RASEF: variants seen among roughly 807,000 people sequenced by gnomAD.
The protein encoded by RASEF is RAS and EF-hand domain containing.
In RASEF, 68 loss-of-function variants were observed where a neutral mutation model predicts 90.1. The ratio of observed to expected loss-of-function variants is 0.75; its 90% CI spans 0.62 to 0.92. The LOEUF (loss-of-function observed/expected upper bound fraction) is 0.92, where lower values mean the gene tolerates loss of function less well. RASEF is among the 40% of genes least tolerant of loss of function. The pLI is 0.00. For missense variants in RASEF, 949 were observed against 937.2 expected (o/e 1.01, Z -0.16); for synonymous variants, 331 against 345.2 (o/e 0.96, Z 0.46).
the RASEF span, among the ~76,000 whole-genome samples, chr9:83,094,289 A>ATT: frequency 6.6e-6 from 1 of 151,382 alleles, no homozygotes; most frequent in East Asian, 1.9e-4. Flanking sequence ...AAATACCCAC[A>ATT]ACATTGTGAA....
chr9:83,137,516 AAGAG>A, the RASEF span, among the ~76,000 whole-genome samples: 4 of 152,178 alleles, frequency 2.6e-5, no homozygotes, highest in African/African-American at 9.7e-5. Context: ...CTGACAAAGA[AAGAG>A]AAAGAGCTAA....
the RASEF span, among the ~76,000 whole-genome samples, chr9:83,125,765 G>T: frequency 6.6e-6 from 1 of 152,170 alleles, no homozygotes; most frequent in Non-Finnish European, 1.5e-5. Context: ...CACAGATAAG[G>T]TTTGGAAAAG....
chr9:83,152,597 T>A, the RASEF span, among the ~76,000 whole-genome samples: 1 of 151,714 alleles, frequency 6.6e-6, no homozygotes, highest in Non-Finnish European at 1.5e-5. Flanking sequence ...TGTATGGGGG[T>A]TTTCCAGGCT....
intron 1 of RASEF, chr9:83,048,185 A>G: frequency 3.0e-6 from 3 of 985,370 alleles, no homozygotes; most frequent in Non-Finnish European, 3.6e-6. Context: ...GTGTAGTAAG[A>G]GCGGAAGGAG....
the RASEF span, among the ~76,000 whole-genome samples, chr9:83,176,834 C>A: frequency 6.6e-6 from 1 of 151,906 alleles, no homozygotes; most frequent in Non-Finnish European, 1.5e-5. Flanking sequence ...TGGTACAAAC[C>A]CAACATCAAA....
the RASEF span, among the ~76,000 whole-genome samples, chr9:83,213,917 A>C: frequency 1.6e-4 from 24 of 152,176 alleles, no homozygotes; most frequent in African/African-American, 4.8e-4. Flanking sequence ...GTGGTACAGC[A>C]CATTAAAAAT....
the RASEF span, among the ~76,000 whole-genome samples, chr9:83,114,353 G>A: frequency 2.6e-5 from 4 of 152,278 alleles, no homozygotes; most frequent in East Asian, 1.9e-4. Context: ...GAGGATGTAT[G>A]TCACCTCAGG....
chr9:83,136,756 T>A, the RASEF span, among the ~76,000 whole-genome samples: 1 of 152,148 alleles, frequency 6.6e-6, no homozygotes, highest in Non-Finnish European at 1.5e-5. Context: ...ATCTATTATG[T>A]ATGAAATACA....
intron 7 of RASEF, 124 bp from the exon 8 acceptor site, chr9:83,005,624 T>A: frequency 1.4e-6 from 1 of 719,454 alleles, no homozygotes; most frequent in South Asian, 1.6e-5. Context: ...TCTGCAACTT[T>A]CCACCACTTC....
At chr9:83,072,183 G>T in the RASEF span, among the ~76,000 whole-genome samples, 1 of 152,096 alleles carries the variant, frequency 6.6e-6, no homozygotes, top group Admixed American at 6.5e-5. Context: ...AGTATCATTT[G>T]CCTGACCTTC....
At chr9:83,093,679 G>A in the RASEF span, among the ~76,000 whole-genome samples, 4 of 152,184 alleles carry the variant, frequency 2.6e-5, no homozygotes, top group African/African-American at 4.8e-5. Flanking sequence ...GTTCCCGCTC[G>A]CGCCTCTCCC....
chr9:83,048,166 C>CA, intron 1 of RASEF: 2 of 985,428 alleles, frequency 2.0e-6, no homozygotes, highest in Non-Finnish European at 2.4e-6. Flanking sequence ...CCATCAATCA[C>CA]AGCCCACAGT....
At chr9:83,169,226 C>A in the RASEF span, among the ~76,000 whole-genome samples, 1 of 151,866 alleles carries the variant, frequency 6.6e-6, no homozygotes, top group Non-Finnish European at 1.5e-5. Context: ...TGCGTATAAA[C>A]CAAATTTTCT....
chr9:83,158,438 A>T, the RASEF span, among the ~76,000 whole-genome samples: 2 of 151,408 alleles, frequency 1.3e-5, no homozygotes, highest in African/African-American at 4.9e-5. Flanking sequence ...GAAATGTACT[A>T]GAAATTGGTT....
intron 4 of RASEF, among the ~76,000 whole-genome samples, chr9:83,013,357 G>A (rs1014672721): frequency 2.6e-5 from 4 of 152,174 alleles, no homozygotes; most frequent in Non-Finnish European, 5.9e-5. Flanking sequence ...TTTGATTCTG[G>A]ACCTTCTTCA....
rs1384519077 is a variant in RASEF at position 82,981,231 on chromosome 9, C to G, written c.*1446G>C. On this transcript the variant is annotated 3_prime_UTR_variant, in exon 17 of 17. Transcript: ENST00000376447. ...ATCTTTTGTTGTAGCCCACCCTAGG[C>G]TCAAGTGTTGACTCCTTTGGCTCTT... 2 of 152,152 alleles carry G rather than the reference C, an allele frequency of 1.3e-5. No individual in the cohort carries two copies. Among genetic ancestry groups the G allele is most frequent in the African/African-American group, 4.8e-5 (2 of 41,436 alleles). The allele number at this position is 152,152 out of a possible 1,614,324, so 9.4% of individuals were successfully genotyped here. A position where few individuals can be genotyped will look rare whatever the true frequency, so the allele number is the denominator to read the frequency against.
chr9:83,008,816 A>T (rs1829178017), intron 6 of RASEF, among the ~76,000 whole-genome samples: 1 of 145,352 alleles, frequency 6.9e-6, no homozygotes, highest in Non-Finnish European at 1.5e-5. Flanking sequence ...ACTACTTCTG[A>T]TATTTTTTAG....
chr9:83,218,715 C>G, the RASEF span, among the ~76,000 whole-genome samples: 1 of 152,336 alleles, frequency 6.6e-6, no homozygotes, highest in South Asian at 2.1e-4. Context: ...TCTGAGAGCA[C>G]CGCCCTTGCA....
intron 1 of RASEF, among the ~76,000 whole-genome samples, chr9:83,045,607 A>T (rs532874998): frequency 6.6e-6 from 1 of 152,324 alleles, no homozygotes; most frequent in African/African-American, 2.4e-5. Context: ...AAAACCTTGA[A>T]TCTGTGTTCA....
Sources: allele counts gnomAD v4.1 joint callset (sites outside exome capture counted in the v4.1 genomes callset), GRCh38; gene constraint gnomAD v4.1.1; transcripts MANE v1.5; gene names NCBI Gene and HGNC (gene_info 2026-07-23, HGNC 2026-07-21).